Variants in C11orf68 observed in about 807,000 individuals in gnomAD.
C11orf68 encodes the protein chromosome 11 open reading frame 68.
A neutral mutation model predicts 4.7 loss-of-function variants in C11orf68; 3 were observed. That is an observed-to-expected ratio of 0.64 (90% CI 0.29 to 1.66). The LOEUF is 1.66. Ranked by LOEUF, C11orf68 falls within the 40% of genes most tolerant of loss-of-function variation. The probability of loss-of-function intolerance (pLI) is 0.10; values close to 1 mark genes in which losing one functional copy is unlikely to be tolerated. For synonymous variants in C11orf68, 186 were observed against 167.8 expected, an observed-to-expected ratio of 1.11 and a Z score of -0.84; for missense variants, 422 against 408.0, an observed-to-expected ratio of 1.03 and a Z score of -0.30.
intron 1 of C11orf68, 28 bp downstream of exon 1, chr11:65,918,881 GC>G: frequency 8.1e-7 from 1 of 1,237,740 alleles, no homozygotes; most frequent in Non-Finnish European, 1.0e-6. Flanking sequence ...CCCCGGCCCT[GC>G]CCTGCCCCTC....
chr11:65,918,929 C>T lies in C11orf68; in HGVS notation c.103G>A (p.Glu35Lys). Residue 35 changes from glutamate (E) to lysine (K), a missense_variant, in exon 1 of 2, where the codon GAA (glutamate) becomes AAA (lysine). By Grantham distance (56) the Glu-to-Lys change is moderately conservative (BLOSUM62 1). Coordinates refer to ENST00000438576, the MANE Select transcript of C11orf68 (RefSeq NM_001135635.2). ...AGTCACCTCCGGCCTTCGCTGCGTT[C>T]GACGCCGGCCCAGCCCCGGGCCCGG... ...RSRARGWAGV[E>K]RSEGRSRMEP... 1 of 1,262,564 alleles carries T rather than the reference C, an allele frequency of 7.9e-7. No individual in the cohort carries two copies. The allele number at this position is 1,262,564 out of a possible 1,614,324, so 78.2% of individuals were successfully genotyped here.
chr11:65,918,845 G>T, intron 1 of C11orf68, 65 bp downstream of exon 1: 1 of 1,109,722 alleles, frequency 9.0e-7, no homozygotes, highest in Non-Finnish European at 1.1e-6. Flanking sequence ...CGCCATTAAC[G>T]CCCACGGGCC....
chr11:65,917,778 A>G lies in C11orf68; in HGVS notation c.563T>C (p.Ile188Thr), dbSNP rs1296969969. Residue 188 changes from isoleucine (I) to threonine (T), a missense_variant, in exon 2 of 2, where the codon ATT becomes ACT. Transcript: ENST00000438576. The part of the protein sequence containing the change: ...GFKLDHAWAG[I>T]ARAVVEGQLQ... ...CTGGCCTTCAACCACGGCCCGGGCA[A>G]TGCCAGCCCAGGCGTGGTCCAGCTT... is the stretch of plus-strand genomic sequence containing the variant. 1 of 1,612,626 alleles carries G rather than the reference A, an allele frequency of 6.2e-7. No individual in the cohort carries two copies. Among genetic ancestry groups the G allele is most frequent in the South Asian group, 1.1e-5 (1 of 91,060 alleles).
chr11:65,918,508 G>A (rs866271574), intron 1 of C11orf68: 1 of 349,194 alleles, frequency 2.9e-6, no homozygotes, highest in Non-Finnish European at 5.1e-6. Context: ...GCAGTGCGTG[G>A]CAGGGCCGAA....
At position 65,917,853 on chromosome 11, in the gene C11orf68, G is replaced by C. The variant is rs1254902818; in HGVS notation, c.488C>G (p.Thr163Ser). Reference protein sequence around the residue: ...TPGTLRQLAITHHVLSGKWLM... With the variant: ...TPGTLRQLAISHHVLSGKWLM... ...CCACTTGCCCGAGAGCACGTGGTGG[G>C]TGATGGCGAGCTGGCGCAGGGTACC... is the stretch of plus-strand genomic sequence containing the variant. The change falls in exon 2 of 2, where the codon ACC (threonine) becomes AGC (serine). Residue 163 changes from threonine to serine, a missense_variant. Physicochemically the swap from Thr to Ser is moderately conservative, Grantham distance 58. Coordinates refer to ENST00000438576, the MANE Select transcript of C11orf68 (RefSeq NM_001135635.2). The C allele has an allele frequency of 3.7e-6, 6 of 1,611,538 alleles. No individual in the cohort carries two copies. The highest frequency in any genetic ancestry group is 3.3e-5 in the Admixed American group (2 of 59,984).
In C11orf68 at chr11:65,917,438, A is replaced by C. The variant is rs770257571; in HGVS notation, c.*21T>G. 1 of 1,581,126 alleles carries C rather than the reference A, an allele frequency of 6.3e-7. No individual in the cohort carries two copies. The highest frequency in any genetic ancestry group is 8.6e-7 in the Non-Finnish European group (1 of 1,162,158). ...CCCCAGCATGGAGGGGGGAGTGGGCAGTCTCCCCAATTTGGCCCCCCTAGG... is the reference window on the plus strand; with the variant it reads ...CCCCAGCATGGAGGGGGGAGTGGGCCGTCTCCCCAATTTGGCCCCCCTAGG... On this transcript the variant is annotated 3_prime_UTR_variant, in exon 2 of 2. Coordinates refer to ENST00000438576, the MANE Select transcript of C11orf68 (RefSeq NM_001135635.2).
intron 1 of C11orf68, among the ~76,000 whole-genome samples, chr11:65,918,605 G>C (rs1425954885): frequency 6.6e-6 from 1 of 151,894 alleles, no homozygotes; most frequent in Non-Finnish European, 1.5e-5. Flanking sequence ...TATCCGGTGC[G>C]CTGGCATTTA....
rs1490969966 is a variant in C11orf68 at position 65,917,521 on chromosome 11, G to A, written c.820C>T (p.Leu274Phe). The change falls in exon 2 of 2, where the codon CTT becomes TTT. Residue 274 changes from leucine to phenylalanine, a missense_variant. Transcript: ENST00000438576. Reference protein sequence around the residue: ...CPTLYESRFQLGGSARGSRVL... With the variant: ...CPTLYESRFQFGGSARGSRVL... Reference sequence around the variant, plus strand: ...CGGGAGCCACGGGCACTACCCCCAAGCTGGAAACGGCTCTCATAGAGAGTG... The same window carrying A: ...CGGGAGCCACGGGCACTACCCCCAAACTGGAAACGGCTCTCATAGAGAGTG... 1.2e-6 allele frequency: 2 copies of A among 1,613,926 alleles called. No individual in the cohort carries two copies. Among genetic ancestry groups the A allele is most frequent in the Non-Finnish European group, 1.7e-6 (2 of 1,180,014 alleles).
chr11:65,918,230 C>G lies in C11orf68; in HGVS notation c.123-12G>C. 2 of 1,508,636 alleles carry G rather than the reference C, an allele frequency of 1.3e-6. No homozygotes were observed. The highest frequency in any genetic ancestry group is 2.7e-5 in the South Asian group (2 of 74,892). 93.5% of individuals were successfully genotyped at this position (1,508,636 alleles called of 1,614,324 possible). A position where few individuals can be genotyped will look rare whatever the true frequency, so the allele number is the denominator to read the frequency against. On this transcript the variant is annotated splice_polypyrimidine_tract_variant and intron_variant, in intron 1 of 1. Transcript: ENST00000438576. ...CTGGTTCCATCCTGCTGTGAGGGAA[C>G]CGAGTCAGGGCAGGGTCTGAGACAA...
intron 1 of C11orf68, among the ~76,000 whole-genome samples, chr11:65,918,658 G>A (rs928829404): frequency 2.6e-5 from 4 of 152,164 alleles, no homozygotes; most frequent in South Asian, 2.1e-4. Context: ...AGCTCCCGAG[G>A]CCGGCTCTGT....
chr11:65,918,727 T>C (rs1854497476), intron 1 of C11orf68, among the ~76,000 whole-genome samples, 183 bp downstream of exon 1: 1 of 152,190 alleles, frequency 6.6e-6, no homozygotes, highest in East Asian at 1.9e-4. Context: ...GACGCTGAAG[T>C]CCAGAGAGGT....
intron 1 of C11orf68, 85 bp from the exon 2 acceptor site, chr11:65,918,303 G>T (rs907418097): frequency 1.4e-6 from 2 of 1,397,576 alleles, no homozygotes; most frequent in Non-Finnish European, 1.9e-6. Flanking sequence ...TTGAGTAAGA[G>T]TTACTGTCGA....
Position 65,917,636 on chromosome 11 carries a change from A to G in C11orf68, c.705T>C (p.Arg235=). 6.2e-7 allele frequency: 1 copy of G among 1,614,076 alleles called. No homozygotes were observed. The highest frequency in any genetic ancestry group is 8.5e-7 in the Non-Finnish European group (1 of 1,180,016). ...TGAGCAGGCACTTAATGCCCGCTGC[A>G]CGGATGGCTGAATCCGCCTCCAGTA... ...LGVLEADSAI[R]AAGIKCLLTY... Residue 235 remains arginine (R), a synonymous_variant, in exon 2 of 2, where the codon CGT becomes CGC. Coordinates refer to ENST00000438576, the MANE Select transcript of C11orf68 (RefSeq NM_001135635.2).
Position 65,917,577 on chromosome 11 carries a change from ATGCCCAGGTAGG to A in C11orf68, c.752_763del (p.Thr251_Gly254del). On this transcript the variant is annotated inframe_deletion, in exon 2 of 2. Coordinates refer to ENST00000438576, the MANE Select transcript of C11orf68 (RefSeq NM_001135635.2). ...GAGGTGCCAGCGATTGGCCCGGTAG[ATGCCCAGGTAGG>A]TGTAGACATCAGGCTTGTAGGTGAG... 1 of 1,614,132 alleles carries A rather than the reference ATGCCCAGGTAGG, an allele frequency of 6.2e-7. No homozygotes were observed. The highest frequency in any genetic ancestry group is 8.5e-7 in the Non-Finnish European group (1 of 1,180,024).
In C11orf68 at chr11:65,918,273, C is replaced by T. The variant is rs1054127249; in HGVS notation, c.123-55G>A. ...TGAGACAATAACTACAGATGCCAGG[C>T]ACTGGATTAAACTGTGGCCTTGAGT... is the stretch of plus-strand genomic sequence containing the variant. On this transcript the variant is annotated intron_variant, in intron 1 of 1. Coordinates refer to ENST00000438576, the MANE Select transcript of C11orf68 (RefSeq NM_001135635.2). 3 of 1,461,532 alleles carry T rather than the reference C, an allele frequency of 2.1e-6. No homozygotes were observed. In the African/African-American group the frequency reaches 4.2e-5, roughly 21 times the overall value. The allele number at this position is 1,461,532 out of a possible 1,614,324, so 90.5% of individuals were successfully genotyped here. A position where few individuals can be genotyped will look rare whatever the true frequency, so the allele number is the denominator to read the frequency against.
Position 65,918,955 on chromosome 11 carries a change from C to T in C11orf68, c.77G>A (p.Ser26Asn). The change falls in exon 1 of 2, where the codon AGC becomes AAC. Residue 26 changes from serine (S) to asparagine (N), a missense_variant. Physicochemically the swap from Ser to Asn is conservative, Grantham distance 46. Coordinates refer to ENST00000438576, the MANE Select transcript of C11orf68 (RefSeq NM_001135635.2). The stretch of plus-strand genomic sequence containing the variant: ...GACGCCGGCCCAGCCCCGGGCCCGG[C>T]TCCGCTCCTGCCGTGGCTCCGCGCC... The part of the protein sequence containing the change: ...GGGAEPRQER[S>N]RARGWAGVER... 1 of 1,223,142 alleles carries T rather than the reference C, an allele frequency of 8.2e-7. No homozygotes were observed. 75.8% of individuals were successfully genotyped at this position (1,223,142 alleles called of 1,614,324 possible).
rs757665382 is a variant in C11orf68 at position 65,917,880 on chromosome 11, G to C, written c.461C>G (p.Pro154Arg). The C allele has an allele frequency of 6.2e-7, 1 of 1,610,320 alleles. No individual in the cohort carries two copies. Among genetic ancestry groups the C allele is most frequent in the Non-Finnish European group, 8.5e-7 (1 of 1,179,978 alleles). Residue 154 changes from proline (P) to arginine (R), a missense_variant, in exon 2 of 2, where the codon CCG becomes CGG. Pro to Arg is a moderately radical substitution (Grantham distance 103). Coordinates refer to ENST00000438576, the MANE Select transcript of C11orf68 (RefSeq NM_001135635.2). ...GATGGCGAGCTGGCGCAGGGTACCC[G>C]GTGTGATGGGCCGCCCACTGGTCTG... Reference protein sequence around the residue: ...ALQTSGRPITPGTLRQLAITH... With the variant: ...ALQTSGRPITRGTLRQLAITH...
chr11:65,918,424 G>C (rs147158734), intron 1 of C11orf68: 2 of 541,806 alleles, frequency 3.7e-6, no homozygotes, highest in South Asian at 4.2e-5. Flanking sequence ...GGTTGCTGCA[G>C]TTATTACTAT....
At position 65,917,512 on chromosome 11, in the gene C11orf68, T is replaced by C. The variant is rs1194674066; in HGVS notation, c.829A>G (p.Ser277Gly). ...LYESRFQLGG[S>G]ARGSRVLDRA... ...TCAAGCACTCGGGAGCCACGGGCAC[T>C]ACCCCCAAGCTGGAAACGGCTCTCA... Residue 277 changes from serine (S) to glycine (G), a missense_variant, in exon 2 of 2, where the codon AGT becomes GGT. Ser to Gly is a moderately conservative substitution (Grantham distance 56, BLOSUM62 0). Transcript: ENST00000438576. The C allele has an allele frequency of 1.9e-6, 3 of 1,613,946 alleles. No homozygotes were observed. Among genetic ancestry groups the C allele is most frequent in the Non-Finnish European group, 1.7e-6 (2 of 1,179,960 alleles).
Sources: allele counts gnomAD v4.1 joint callset (sites outside exome capture counted in the v4.1 genomes callset), GRCh38; gene constraint gnomAD v4.1.1; transcripts MANE v1.5; gene names NCBI Gene and HGNC (gene_info 2026-07-23, HGNC 2026-07-21).